TLK1: variants seen among roughly 807,000 people sequenced by gnomAD.
TLK1 encodes the protein serine/threonine-protein kinase tousled-like 1.
A neutral mutation model predicts 105.3 loss-of-function variants in TLK1; 24 were observed. That is an observed-to-expected ratio of 0.23 (90% confidence interval 0.17 to 0.32). The LOEUF is 0.32. Ranked by LOEUF, TLK1 falls within the 10% of genes least tolerant of loss-of-function variation. The probability of loss-of-function intolerance (pLI) is 1.00; values close to 1 mark genes in which losing one functional copy is unlikely to be tolerated. For missense variants in TLK1, 558 were observed against 910.5 expected, an observed-to-expected ratio of 0.61 and a Z score of 4.98; for synonymous variants, 321 against 310.4, an observed-to-expected ratio of 1.03 and a Z score of -0.36.
chr2:171,143,865 T>C (rs1390198465), intron 1 of TLK1, among the ~76,000 whole-genome samples: 1 of 152,140 alleles, frequency 6.6e-6, no homozygotes, highest in Non-Finnish European at 1.5e-5. Context: ...TAAATGTGAA[T>C]GGATTAAATA....
chr2:171,144,734 T>G (rs1393643427), intron 1 of TLK1, among the ~76,000 whole-genome samples: 1 of 152,156 alleles, frequency 6.6e-6, no homozygotes, highest in Non-Finnish European at 1.5e-5. Flanking sequence ...AAAACATTTT[T>G]ATGAACTTGA....
At chr2:171,070,242 T>C (rs1688189423) in intron 3 of TLK1, among the ~76,000 whole-genome samples, 1 of 149,476 alleles carries the variant, frequency 6.7e-6, no homozygotes, top group South Asian at 2.2e-4. Context: ...GGGGTACATA[T>C]TTTGATACAG....
chr2:171,081,285 A>G (rs1017248471), intron 3 of TLK1, among the ~76,000 whole-genome samples: 41 of 152,222 alleles, frequency 2.7e-4, no homozygotes, highest in Non-Finnish European at 1.5e-4. Flanking sequence ...TAAAGAATGT[A>G]TAACTGTGAT....
intron 1 of TLK1, among the ~76,000 whole-genome samples, chr2:171,211,555 C>CTT (rs56870845): frequency 1.4e-4 from 21 of 147,548 alleles, no homozygotes; most frequent in Non-Finnish European, 2.0e-4. Flanking sequence ...TAAATGGATG[C>CTT]TTTTTTTTTT....
At chr2:171,020,777 T>C (rs1685460920) in intron 12 of TLK1, among the ~76,000 whole-genome samples, 2 of 152,070 alleles carry the variant, frequency 1.3e-5, no homozygotes, top group African/African-American at 2.4e-5. Flanking sequence ...GGTCTGACTT[T>C]TGAAACTATT....
chr2:171,079,329 G>A (rs1688647719), intron 3 of TLK1, among the ~76,000 whole-genome samples: 1 of 152,156 alleles, frequency 6.6e-6, no homozygotes, highest in Non-Finnish European at 1.5e-5. Context: ...TGGAATTGGT[G>A]GTTTCTTGCG....
chr2:171,139,958 T>A (rs1197772302), intron 1 of TLK1, among the ~76,000 whole-genome samples: 4 of 152,188 alleles, frequency 2.6e-5, no homozygotes, highest in African/African-American at 7.2e-5. Flanking sequence ...TCCACGCTCC[T>A]CTGAGAATCT....
intron 2 of TLK1, among the ~76,000 whole-genome samples, chr2:171,083,702 T>C (rs1575583852): frequency 6.6e-6 from 1 of 152,122 alleles, no homozygotes; most frequent in African/African-American, 2.4e-5. Context: ...TATTAACAGG[T>C]TGCCAGTTAG....
intron 2 of TLK1, among the ~76,000 whole-genome samples, chr2:171,084,991 G>GAGTA (rs151105327): frequency 0.013 from 1,949 of 152,244 alleles, 32 homozygotes; most frequent in African/African-American, 0.041. Context: ...AAGTATTTGA[G>GAGTA]AGTAAGCTAC....
rs571771464 is a variant in TLK1 at position 171,074,543 on chromosome 2, G to C, written c.330+8238C>G. ...CTTGGGAGGCTGAGGCCAGAGAATTGCTGAGCCCAGAAGGCAGTGGTTGCA... is the reference window on the plus strand; with the variant it reads ...CTTGGGAGGCTGAGGCCAGAGAATTCCTGAGCCCAGAAGGCAGTGGTTGCA... On this transcript the variant is annotated intron_variant, in intron 3 of 20. Transcript: ENST00000431350. 2.0e-5 allele frequency among the ~76,000 whole-genome samples: 3 copies of C among 150,916 alleles called. No homozygotes were observed. The Admixed American group carries it at 2.0e-4, about 10-fold the overall frequency.
chr2:171,140,798 C>T (rs1575623342), intron 1 of TLK1, among the ~76,000 whole-genome samples: 1 of 151,894 alleles, frequency 6.6e-6, no homozygotes, highest in African/African-American at 2.4e-5. Flanking sequence ...AAATAAAATG[C>T]AAATGAAACA....
intron 1 of TLK1, among the ~76,000 whole-genome samples, chr2:171,180,094 C>CAA (rs57360155): frequency 3.4e-4 from 23 of 68,638 alleles, no homozygotes; most frequent in Admixed American, 9.2e-4. Flanking sequence ...GACTCTGTCT[C>CAA]AAAAAAAAAA....
At chr2:171,027,420 G>A (rs753772524) in intron 12 of TLK1, among the ~76,000 whole-genome samples, 1 of 152,132 alleles carries the variant, frequency 6.6e-6, no homozygotes, top group African/African-American at 2.4e-5. Context: ...ATTAAGACCT[G>A]TAAAAACAAT....
chr2:171,024,669 G>C (rs1227226750), intron 12 of TLK1, among the ~76,000 whole-genome samples: 3 of 152,118 alleles, frequency 2.0e-5, no homozygotes, highest in African/African-American at 7.2e-5. Flanking sequence ...AATAGGAGTG[G>C]GAATGGTTCA....
At chr2:171,181,209 A>G (rs1468825418) in intron 1 of TLK1, among the ~76,000 whole-genome samples, 3 of 152,130 alleles carry the variant, frequency 2.0e-5, no homozygotes, top group African/African-American at 7.2e-5. Flanking sequence ...CATCACCAAG[A>G]CCCCAAAATT....
intron 6 of TLK1, 31 bp from the exon 7 acceptor site, chr2:171,055,203 C>CTAA (rs1687440132): frequency 2.1e-6 from 1 of 470,914 alleles, no homozygotes; most frequent in African/African-American, 2.8e-5. Flanking sequence ...TTTATATTAG[C>CTAA]AAAAAAAAAA....
At chr2:171,025,475 C>T (rs1468749637) in intron 12 of TLK1, among the ~76,000 whole-genome samples, 2 of 152,092 alleles carry the variant, frequency 1.3e-5, no homozygotes, top group Admixed American at 6.6e-5. Context: ...AGAGAGTCAC[C>T]CATGCTAATG....
At chr2:171,073,351 G>T (rs1311088300) in intron 3 of TLK1, among the ~76,000 whole-genome samples, 1 of 151,752 alleles carries the variant, frequency 6.6e-6, no homozygotes. Flanking sequence ...TTTTTTAAAG[G>T]GTAACATTTA....
At chr2:171,059,159 T>C (rs891009470) in intron 4 of TLK1, among the ~76,000 whole-genome samples, 42 of 152,226 alleles carry the variant, frequency 2.8e-4, no homozygotes, top group African/African-American at 9.6e-4. Flanking sequence ...CACAGATTTA[T>C]TTAGAGGTCA....
Sources: gnomAD v4.1 joint callset for allele counts (sites outside exome capture counted in the v4.1 genomes callset) on GRCh38, gnomAD v4.1.1 for gene constraint, MANE v1.5 for transcripts, NCBI Gene and HGNC (gene_info 2026-07-23, HGNC 2026-07-21) for gene names.